The following CNTNAP5 variants were observed in gnomAD, a reference collection of about 807,000 sequenced individuals.
CNTNAP5 encodes contactin associated protein family member 5.
In CNTNAP5, 72 loss-of-function variants were observed where a neutral mutation model predicts 150.2. The observed-to-expected ratio is 0.48, with a 90% CI of 0.40 to 0.58. The LOEUF is 0.58. Ranked by LOEUF, CNTNAP5 falls within the 20% of genes least tolerant of loss-of-function variation. The probability of loss-of-function intolerance (pLI) is 0.00; values close to 1 mark genes in which losing one functional copy is unlikely to be tolerated. For synonymous variants in CNTNAP5, 672 were observed against 619.8 expected, an observed-to-expected ratio of 1.08 and a Z score of -1.25; for missense variants, 1,636 against 1,626.2, an observed-to-expected ratio of 1.01 and a Z score of -0.10.
At chr2:124,164,937 G>A (rs997598534) in intron 1 of CNTNAP5, among the ~76,000 whole-genome samples, 2 of 152,096 alleles carry the variant, frequency 1.3e-5, no homozygotes, top group African/African-American at 4.8e-5. Flanking sequence ...AGGGAAATGG[G>A]GAACCTGCAG....
intron 13 of CNTNAP5, among the ~76,000 whole-genome samples, chr2:124,692,656 T>A (rs1450665432): frequency 6.6e-6 from 1 of 152,156 alleles, no homozygotes. Context: ...ATCGATCTCT[T>A]TTTAGCTCCA....
chr2:124,264,748 C>T (rs1687561164), intron 3 of CNTNAP5, among the ~76,000 whole-genome samples: 1 of 152,190 alleles, frequency 6.6e-6, no homozygotes, highest in Non-Finnish European at 1.5e-5. Context: ...GCTCGCATGC[C>T]AGAGGCAGAA....
rs368230554 is a variant in CNTNAP5, at chr2:124,510,301, C to CTATATATATATATATCTATATATCTA, written c.1327+5756_1327+5757insATATCTATATATCTATATATATATAT. Among the ~76,000 whole-genome samples the CTATATATATATATATCTATATATCTA allele has an allele frequency of 2.6e-4, 28 of 106,040 alleles. 1 individual carries two copies. Among genetic ancestry groups the CTATATATATATATATCTATATATCTA allele is most frequent in the South Asian group, 5.9e-4 (2 of 3,368 alleles). 69.6% of individuals were successfully genotyped at this position (106,040 alleles called of 152,430 possible). On this transcript the variant is annotated intron_variant, in intron 8 of 23. Transcript: ENST00000682447. ...TATCTATATCTATATATCTATATAT[C>CTATATATATATATATCTATATATCTA]TATATATATATCTATATATCTATCT...
At chr2:124,721,606 A>G (rs1680052111) in intron 13 of CNTNAP5, among the ~76,000 whole-genome samples, 1 of 152,046 alleles carries the variant, frequency 6.6e-6, no homozygotes, top group Non-Finnish European at 1.5e-5. Flanking sequence ...AGGAGACATT[A>G]AGGTCAGCAG....
At chr2:124,134,767 A>C (rs1035899837) in intron 1 of CNTNAP5, among the ~76,000 whole-genome samples, 5 of 152,126 alleles carry the variant, frequency 3.3e-5, no homozygotes, top group Admixed American at 1.3e-4. Flanking sequence ...ACCATTTCCC[A>C]ATATTCTTCT....
At chr2:124,514,540 T>C (rs1694662471) in intron 8 of CNTNAP5, among the ~76,000 whole-genome samples, 1 of 152,142 alleles carries the variant, frequency 6.6e-6, no homozygotes, top group African/African-American at 2.4e-5. Context: ...CTGGGTACTG[T>C]GGTTGAACCT....
chr2:124,408,660 C>T (rs575319392), intron 3 of CNTNAP5, among the ~76,000 whole-genome samples: 5 of 151,746 alleles, frequency 3.3e-5, no homozygotes, highest in South Asian at 2.1e-4. Flanking sequence ...TTCCAACAGA[C>T]CTGCAGCTGA....
chr2:124,750,200 A>G (rs1273984791), intron 14 of CNTNAP5, among the ~76,000 whole-genome samples: 1 of 152,128 alleles, frequency 6.6e-6, no homozygotes, highest in African/African-American at 2.4e-5. Flanking sequence ...GGGCACCAGA[A>G]TTTATTATTA....
At chr2:124,193,221 A>G (rs764038914) in intron 1 of CNTNAP5, among the ~76,000 whole-genome samples, 3 of 152,120 alleles carry the variant, frequency 2.0e-5, no homozygotes, top group Admixed American at 6.5e-5. Context: ...CAAAGACCCT[A>G]TTTTCAAACA....
chr2:124,276,350 A>G (rs1247476621), intron 3 of CNTNAP5, among the ~76,000 whole-genome samples: 1 of 152,224 alleles, frequency 6.6e-6, no homozygotes, highest in Non-Finnish European at 1.5e-5. Flanking sequence ...AGGCAAGATT[A>G]TATCCCTGCT....
chr2:124,153,078 C>T (rs2104636748), intron 1 of CNTNAP5, among the ~76,000 whole-genome samples: 1 of 152,174 alleles, frequency 6.6e-6, no homozygotes, highest in Middle Eastern at 3.4e-3. Flanking sequence ...GTCAGGATTG[C>T]TAAAGTAGAT....
At chr2:124,445,500 T>G (rs1020443122) in intron 5 of CNTNAP5, among the ~76,000 whole-genome samples, 2 of 152,226 alleles carry the variant, frequency 1.3e-5, no homozygotes, top group Admixed American at 6.5e-5. Context: ...AACTCAGAAG[T>G]TGTGGAACAA....
chr2:124,084,271 G>T (rs1481789773), intron 1 of CNTNAP5, among the ~76,000 whole-genome samples: 2 of 145,782 alleles, frequency 1.4e-5, no homozygotes, highest in Admixed American at 6.9e-5. Context: ...TTTTGTAGAG[G>T]TTTTTTTTTT....
chr2:124,265,503 C>T (rs1295660776), intron 3 of CNTNAP5, among the ~76,000 whole-genome samples: 3 of 152,114 alleles, frequency 2.0e-5, no homozygotes, highest in Non-Finnish European at 4.4e-5. Flanking sequence ...ATTCTTAGAA[C>T]CCAAAAAACT....
chr2:124,099,599 A>G (rs1311835644), intron 1 of CNTNAP5, among the ~76,000 whole-genome samples: 1 of 152,202 alleles, frequency 6.6e-6, no homozygotes, highest in Non-Finnish European at 1.5e-5. Context: ...TCATTCTCGC[A>G]TTGCCATAAA....
intron 3 of CNTNAP5, among the ~76,000 whole-genome samples, chr2:124,247,887 A>T (rs772922669): frequency 6.6e-6 from 1 of 152,222 alleles, no homozygotes; most frequent in Non-Finnish European, 1.5e-5. Flanking sequence ...GACTACATGT[A>T]GGAACATGGT....
At chr2:124,293,786 C>T (rs1201219125) in intron 3 of CNTNAP5, among the ~76,000 whole-genome samples, 1 of 151,820 alleles carries the variant, frequency 6.6e-6, no homozygotes, top group African/African-American at 2.4e-5. Flanking sequence ...CCTAGTAAAA[C>T]ACCCGAGGAC....
intron 1 of CNTNAP5, among the ~76,000 whole-genome samples, chr2:124,205,986 T>G (rs1480735623): frequency 6.6e-6 from 1 of 152,212 alleles, no homozygotes; most frequent in Non-Finnish European, 1.5e-5. Flanking sequence ...GATTTAAAGT[T>G]TCGTTTGAGT....
At chr2:124,438,035 ATACATAGTG>A (rs1266340766) in intron 5 of CNTNAP5, among the ~76,000 whole-genome samples, 1 of 152,170 alleles carries the variant, frequency 6.6e-6, no homozygotes, top group Non-Finnish European at 1.5e-5. Flanking sequence ...CACTGGGGAC[ATACATAGTG>A]TACTGTTGTT....
Sources: gnomAD v4.1 joint callset for allele counts (sites outside exome capture counted in the v4.1 genomes callset) on GRCh38, gnomAD v4.1.1 for gene constraint, MANE v1.5 for transcripts, NCBI Gene and HGNC (gene_info 2026-07-23, HGNC 2026-07-21) for gene names.